The following HS3ST5 variants were observed in gnomAD, a reference collection of about 807,000 sequenced individuals.
HS3ST5 encodes the protein heparan sulfate-glucosamine 3-sulfotransferase 5, also known as heparan sulfate glucosamine 3-O-sulfotransferase 5.
A neutral mutation model predicts 25.4 loss-of-function variants in HS3ST5; 10 were observed. The ratio of observed to expected loss-of-function variants is 0.39; its 90% CI spans 0.24 to 0.67. The LOEUF (loss-of-function observed/expected upper bound fraction) is 0.67. Among genes scored for constraint, HS3ST5 ranks in the 30% least tolerant of loss-of-function variants. The probability of loss-of-function intolerance (pLI) is 0.44; values close to 1 mark genes in which losing one functional copy is unlikely to be tolerated. For missense variants in HS3ST5, 324 were observed against 420.7 expected (o/e 0.77, Z 2.01); for synonymous variants, 170 against 162.4 (o/e 1.05, Z -0.36).
intron 3 of HS3ST5, among the ~76,000 whole-genome samples, chr6:114,132,560 C>A (rs1207577012): frequency 6.6e-6 from 1 of 152,126 alleles, no homozygotes; most frequent in South Asian, 2.1e-4. Flanking sequence ...TACTGTTTAC[C>A]TATAATCTAA....
chr6:114,101,704 T>C (rs1775742914), intron 3 of HS3ST5, among the ~76,000 whole-genome samples: 1 of 152,182 alleles, frequency 6.6e-6, no homozygotes, highest in African/African-American at 2.4e-5. Context: ...ATTGGGTACA[T>C]ATCCAAAGGA....
chr6:114,145,741 C>T (rs1007391848), intron 3 of HS3ST5, among the ~76,000 whole-genome samples: 1 of 152,114 alleles, frequency 6.6e-6, no homozygotes, highest in Admixed American at 6.5e-5. Context: ...AGGCAGGGCT[C>T]GTGTGGGGGT....
chr6:114,261,625 A>T (rs950265525), intron 1 of HS3ST5, among the ~76,000 whole-genome samples: 1 of 152,222 alleles, frequency 6.6e-6, no homozygotes, highest in African/African-American at 2.4e-5. Context: ...AAATACACCC[A>T]TGTCTTACTT....
chr6:114,105,819 A>G (rs1339923846), intron 3 of HS3ST5, among the ~76,000 whole-genome samples: 1 of 152,186 alleles, frequency 6.6e-6, no homozygotes, highest in Non-Finnish European at 1.5e-5. Flanking sequence ...TTATACAATG[A>G]TTAAATAGAG....
At chr6:114,291,408 A>G (rs1582792211) in intron 1 of HS3ST5, among the ~76,000 whole-genome samples, 1 of 151,942 alleles carries the variant, frequency 6.6e-6, no homozygotes, top group South Asian at 2.1e-4. Flanking sequence ...GCTGTAATGG[A>G]AAGAATAGGG....
chr6:114,299,718 G>A (rs1403758087), intron 1 of HS3ST5, among the ~76,000 whole-genome samples: 1 of 152,102 alleles, frequency 6.6e-6, no homozygotes, highest in Admixed American at 6.5e-5. Flanking sequence ...ATTTATTTTG[G>A]AAGAGATAAG....
intron 3 of HS3ST5, among the ~76,000 whole-genome samples, chr6:114,099,098 A>C (rs1457139404): frequency 2.6e-5 from 4 of 152,166 alleles, no homozygotes. Context: ...TCTCTGAGTC[A>C]GCGCTAGTCT....
At chr6:114,317,633 G>A (rs1775793122) in intron 1 of HS3ST5, among the ~76,000 whole-genome samples, 1 of 151,916 alleles carries the variant, frequency 6.6e-6, no homozygotes, top group South Asian at 2.1e-4. Flanking sequence ...ACCTATAGTG[G>A]TAGGTTAGGC....
rs555534917 is a variant in HS3ST5, at chr6:114,152,112, C to T, written c.-33+16239G>A. On this transcript the variant is annotated intron_variant, in intron 3 of 4. Transcript: ENST00000312719. ...TGCCCGGCGAATTTTTTAGTAGAGA[C>T]GGGGTTTCATCTTGTTAGCCAGGAT... is the stretch of plus-strand genomic sequence containing the variant. Among the ~76,000 whole-genome samples, 7 of 151,816 alleles carry T rather than the reference C, an allele frequency of 4.6e-5. No individual in the cohort carries two copies. The East Asian group carries it at 1.2e-3, about 25-fold the overall frequency.
chr6:114,292,498 A>G (rs1774625040), intron 1 of HS3ST5, among the ~76,000 whole-genome samples: 1 of 152,204 alleles, frequency 6.6e-6, no homozygotes, highest in African/African-American at 2.4e-5. Flanking sequence ...TTACATAGGG[A>G]ATTAAGTTTC....
At chr6:114,162,261 C>T (rs1446986956) in intron 3 of HS3ST5, among the ~76,000 whole-genome samples, 2 of 152,206 alleles carry the variant, frequency 1.3e-5, no homozygotes, top group East Asian at 1.9e-4. Flanking sequence ...TATAATGTCT[C>T]GTGAACTCCA....
intron 3 of HS3ST5, among the ~76,000 whole-genome samples, chr6:114,085,083 G>T (rs113223866): frequency 6.6e-6 from 1 of 151,778 alleles, no homozygotes; most frequent in Non-Finnish European, 1.5e-5. Context: ...GCCTGCCTCC[G>T]CCTCCCAAAG....
In HS3ST5 at chr6:114,157,949, TC is replaced by T. The variant is rs536231561; in HGVS notation, c.-33+10401del. ...ATGCTGCCTCCTCTGCCTATTGCAT[TC>T]TTGTTCCTGTACAACCCCACTCCTC... On this transcript the variant is annotated intron_variant, in intron 3 of 4. Transcript: ENST00000312719. Among the ~76,000 whole-genome samples the T allele has an allele frequency of 5.4e-4, 82 of 152,300 alleles. No individual in the cohort carries two copies. The South Asian group carries it at 0.014, about 25-fold the overall frequency.
At chr6:114,259,743 T>C (rs1326594696) in intron 1 of HS3ST5, among the ~76,000 whole-genome samples, 3 of 152,172 alleles carry the variant, frequency 2.0e-5, no homozygotes, top group African/African-American at 7.2e-5. Flanking sequence ...TAAATACATA[T>C]ATACAGATAC....
chr6:114,297,400 G>A (rs1468932138), intron 1 of HS3ST5, among the ~76,000 whole-genome samples: 1 of 152,154 alleles, frequency 6.6e-6, no homozygotes, highest in Non-Finnish European at 1.5e-5. Flanking sequence ...GCCAAGCGGT[G>A]TCCTGAGGCA....
Position 114,294,383 on chromosome 6 carries a change from T to G in HS3ST5, c.-339+47812A>C, listed in dbSNP as rs572696241. 6.6e-5 allele frequency among the ~76,000 whole-genome samples: 10 copies of G among 152,274 alleles called. No homozygotes were observed. The East Asian group carries it at 1.3e-3, about 21-fold the overall frequency. On this transcript the variant is annotated intron_variant, in intron 1 of 4. Coordinates refer to ENST00000312719, the MANE Select transcript of HS3ST5 (RefSeq NM_153612.4). ...TTTGGTAAAAACTTGGATTAGATGG[T>G]TTTTGGTGTGTCCTCTTGAACTCCT...
chr6:114,233,757 A>C (rs970566453), intron 1 of HS3ST5, among the ~76,000 whole-genome samples: 1 of 152,230 alleles, frequency 6.6e-6, no homozygotes, highest in Non-Finnish European at 1.5e-5. Flanking sequence ...AGTTACCCCA[A>C]GTTCAAATTA....
intron 1 of HS3ST5, among the ~76,000 whole-genome samples, chr6:114,295,273 T>G (rs1230727443): frequency 6.6e-6 from 1 of 152,230 alleles, no homozygotes. Flanking sequence ...GATATTTTAT[T>G]AATCAATAAA....
intron 1 of HS3ST5, among the ~76,000 whole-genome samples, chr6:114,311,344 T>C (rs1411494461): frequency 2.0e-5 from 3 of 152,166 alleles, no homozygotes; most frequent in Non-Finnish European, 4.4e-5. Context: ...GAAGAATATA[T>C]ACCAATATGT....
Sources: gnomAD v4.1 joint callset for allele counts (sites outside exome capture counted in the v4.1 genomes callset) on GRCh38, gnomAD v4.1.1 for gene constraint, MANE v1.5 for transcripts, NCBI Gene and HGNC (gene_info 2026-07-23, HGNC 2026-07-21) for gene names.